IGFN1: variants seen among roughly 807,000 people sequenced by gnomAD.
IGFN1 encodes the protein immunoglobulin like and fibronectin type III domain containing 1.
IGFN1 carries 253 observed loss-of-function variants against 289.5 expected under a neutral mutation model. The ratio of observed to expected loss-of-function variants is 0.87; its 90% CI spans 0.79 to 0.97. The LOEUF (loss-of-function observed/expected upper bound fraction) is 0.97. Among genes scored for constraint, IGFN1 ranks in the 50% least tolerant of loss-of-function variants. IGFN1 has a pLI of 0.00. For synonymous variants in IGFN1, 1,706 were observed against 1,788.5 expected (o/e 0.95, Z 1.16); for missense variants, 4,470 against 4,686.1 (o/e 0.95, Z 1.35).
intron 5 of IGFN1, among the ~76,000 whole-genome samples, chr1:201,197,976 C>T (rs905119337): frequency 2.6e-5 from 4 of 152,166 alleles, no homozygotes; most frequent in Admixed American, 1.3e-4. Flanking sequence ...GGGCTGCCAT[C>T]GGAGAGCTGA....
intron 9 of IGFN1, among the ~76,000 whole-genome samples, chr1:201,203,082 A>G (rs1287974544): frequency 1.3e-5 from 2 of 152,020 alleles, no homozygotes; most frequent in African/African-American, 4.8e-5. Context: ...AACATAAATT[A>G]TTTACTTATT....
At chr1:201,204,116 G>A (rs1432695225) in intron 10 of IGFN1, among the ~76,000 whole-genome samples, 1 of 152,112 alleles carries the variant, frequency 6.6e-6, no homozygotes, top group East Asian at 1.9e-4. Context: ...GTGCTGAGCT[G>A]GGTTCTACTG....
At chr1:201,215,895 T>A (rs558600312) in intron 15 of IGFN1, 57 bp downstream of exon 15, 2 of 1,533,976 alleles carry the variant, frequency 1.3e-6, no homozygotes, top group Admixed American at 1.8e-5. Flanking sequence ...TTCTGGGCCC[T>A]CCCTGCCATC....
intron 1 of IGFN1, among the ~76,000 whole-genome samples, chr1:201,192,392 C>G (rs967824506): frequency 1.1e-4 from 16 of 152,184 alleles, no homozygotes; most frequent in Non-Finnish European, 2.4e-4. Context: ...AAGACATCCC[C>G]CCTCCCTGAT....
intron 23 of IGFN1, among the ~76,000 whole-genome samples, chr1:201,227,943 T>C (rs554625914): frequency 6.6e-6 from 1 of 152,330 alleles, no homozygotes; most frequent in Admixed American, 6.5e-5. Flanking sequence ...GGTAGTCTCC[T>C]TTTCAGTAGC....
Position 201,205,219 on chromosome 1 carries a change from G to A in IGFN1, c.1054G>A (p.Asp352Asn), listed in dbSNP as rs1246138335. ...CCGGCACCGGCTACTCCACCCCAGT[G>A]ACAAATATGAAGTGTATGTGTCCCC... ...HFRHRLLHPS[D>N]KYEVYVSPDG... Residue 352 changes from aspartate to asparagine, a missense_variant, in exon 11 of 24, where the codon GAC (aspartate) becomes AAC (asparagine). This residue lies in a region of IGFN1 where 2,011 missense variants were observed against 1,953.4 expected (regional missense o/e 1.03). Transcript: ENST00000335211. 24 of 1,551,120 alleles carry A rather than the reference G, an allele frequency of 1.5e-5. No individual in the cohort carries two copies. The highest frequency in any genetic ancestry group is 2.1e-5 in the Non-Finnish European group (24 of 1,146,978).
At chr1:201,199,678 G>A (rs1667064089) in intron 7 of IGFN1, 24 bp downstream of exon 7, 2 of 1,547,762 alleles carry the variant, frequency 1.3e-6, no homozygotes, top group Non-Finnish European at 1.7e-6. Flanking sequence ...TGTCCATGAG[G>A]GATTTTGGAG....
chr1:201,219,823 A>G (rs1025643793), intron 18 of IGFN1, among the ~76,000 whole-genome samples: 8 of 152,234 alleles, frequency 5.3e-5, no homozygotes, highest in Non-Finnish European at 8.8e-5. Flanking sequence ...AGGGCAGGAC[A>G]TGGAATGGAG....
rs569342906 is a variant in IGFN1, at chr1:201,209,712, G to A, written c.4819G>A (p.Gly1607Arg). The change falls in exon 12 of 24, where the codon GGG becomes AGG. Residue 1607 changes from glycine (G) to arginine (R), a missense_variant. Coordinates refer to ENST00000335211, the MANE Select transcript of IGFN1 (RefSeq NM_001164586.2). Reference protein sequence around the residue: ...VNEAGYRKDLGVPEGIGSGSK... With the variant: ...VNEAGYRKDLRVPEGIGSGSK... The stretch of plus-strand genomic sequence containing the variant: ...TGAAGCAGGTTATAGGAAGGACTTG[G>A]GGGTTCCTGAGGGAATAGGTTCAGG... 2.6e-6 allele frequency: 4 copies of A among 1,522,496 alleles called. No individual in the cohort carries two copies. Among genetic ancestry groups the A allele is most frequent in the African/African-American group, 1.4e-5 (1 of 71,464 alleles). 94.3% of individuals were successfully genotyped at this position (1,522,496 alleles called of 1,614,324 possible).
rs758956046 is a variant in IGFN1 at position 201,206,672 on chromosome 1, A to G, written c.1779A>G (p.Pro593=). ...DSGRQLDRHA[P]EQLWDARLGP... ...GAAGACAACTGGACAGGCATGCCCC[A>G]GAGCAACTGTGGGATGCTCGACTGG... Residue 593 remains proline, a synonymous_variant, in exon 12 of 24, where the codon CCA becomes CCG. Coordinates refer to ENST00000335211, the MANE Select transcript of IGFN1 (RefSeq NM_001164586.2). 6.5e-7 allele frequency: 1 copy of G among 1,537,298 alleles called. No homozygotes were observed.
intron 20 of IGFN1, 46 bp downstream of exon 20, chr1:201,222,873 A>G (rs1235492711): frequency 7.2e-7 from 1 of 1,391,094 alleles, no homozygotes. Flanking sequence ...CAGAGAGGCC[A>G]AGGGGGCCAG....
intron 23 of IGFN1, among the ~76,000 whole-genome samples, chr1:201,227,968 T>C (rs180728424): frequency 1.5e-4 from 23 of 152,362 alleles, no homozygotes; most frequent in Admixed American, 1.1e-3. Context: ...ATATATATGT[T>C]AATAAAGGTT....
At chr1:201,202,022 ACTT>A (rs1472818711) in intron 9 of IGFN1, among the ~76,000 whole-genome samples, 190 bp downstream of exon 9, 1 of 152,062 alleles carries the variant, frequency 6.6e-6, no homozygotes, top group East Asian at 1.9e-4. Context: ...ATCCACAGGG[ACTT>A]CTTATCTCAC....
Position 201,215,066 on chromosome 1 carries a change from C to T in IGFN1, c.8907C>T (p.Leu2969=), listed in dbSNP as rs1653124681. The T allele has an allele frequency of 6.2e-7, 1 of 1,614,020 alleles. No homozygotes were observed. The highest frequency in any genetic ancestry group is 8.5e-7 in the Non-Finnish European group (1 of 1,180,022). The change falls in exon 14 of 24, where the codon CTC becomes CTT. Residue 2969 remains leucine, a synonymous_variant. Transcript: ENST00000335211. ...AGCAAGACGGTCTCGTGCACAGCCT[C>T]TTCATCACGCATGTGCAGGGGACCC... ...IFKQDGLVHS[L]FITHVQGTQA...
chr1:201,202,941 C>A (rs1667230697), intron 9 of IGFN1, among the ~76,000 whole-genome samples: 1 of 151,848 alleles, frequency 6.6e-6, no homozygotes, highest in African/African-American at 2.4e-5. Context: ...ATTTTCAGTA[C>A]AGACAGGGTT....
rs375333668 is a variant in IGFN1, at chr1:201,226,171, C to T, written c.10786+48C>T. On this transcript the variant is annotated intron_variant, in intron 22 of 23. Transcript: ENST00000335211. The stretch of plus-strand genomic sequence containing the variant: ...GAGCAGGCAGGGTGGGGGTTGCGCT[C>T]TGCAATGCAGTGGGATGCACCCAAG... The T allele has an allele frequency of 1.2e-4, 174 of 1,508,196 alleles. 3 individuals carry two copies. In the African/African-American group the frequency reaches 2.3e-3, roughly 20 times the overall value. 93.4% of individuals were successfully genotyped at this position (1,508,196 alleles called of 1,614,324 possible). A position where few individuals can be genotyped will look rare whatever the true frequency, so the allele number is the denominator to read the frequency against.
At chr1:201,225,466 G>A (rs1005158247) in intron 21 of IGFN1, among the ~76,000 whole-genome samples, 8 of 152,132 alleles carry the variant, frequency 5.3e-5, no homozygotes, top group South Asian at 2.1e-4. Context: ...GGTGGTGGCC[G>A]CCTGTAGTCC....
intron 7 of IGFN1, among the ~76,000 whole-genome samples, chr1:201,200,015 G>A (rs1667078545): frequency 6.6e-6 from 1 of 152,064 alleles, no homozygotes; most frequent in Admixed American, 6.5e-5. Flanking sequence ...CAAGTTGTCA[G>A]GAGCATTTCT....
At chr1:201,193,404 A>G in intron 2 of IGFN1, 104 bp downstream of exon 2, 1 of 779,880 alleles carries the variant, frequency 1.3e-6, no homozygotes, top group South Asian at 1.7e-5. Context: ...GAACTTGCCC[A>G]TCTTGTTGTT....
Sources: allele counts gnomAD v4.1 joint callset (sites outside exome capture counted in the v4.1 genomes callset), GRCh38; gene constraint gnomAD v4.1.1; regional missense constraint gnomAD v4.1.1; transcripts MANE v1.5; gene names NCBI Gene and HGNC (gene_info 2026-07-23, HGNC 2026-07-21).